The following OR2L13 variants were observed in gnomAD, a reference collection of about 807,000 sequenced individuals.
OR2L13 encodes the protein olfactory receptor family 2 subfamily L member 13.
OR2L13 carries 14 observed loss-of-function variants against 15.3 expected under a neutral mutation model. That is an observed-to-expected ratio of 0.91 (90% CI 0.60 to 1.43). The LOEUF (loss-of-function observed/expected upper bound fraction) is 1.43. OR2L13 is among the 40% of genes most tolerant of loss of function. The pLI, the probability that OR2L13 is intolerant of heterozygous loss-of-function variation, is 0.00. For synonymous variants in OR2L13, 152 were observed against 142.9 expected, an observed-to-expected ratio of 1.06 and a Z score of -0.45; for missense variants, 367 against 387.9, an observed-to-expected ratio of 0.95 and a Z score of 0.45.
At chr1:248,055,103 TG>T in the OR2L13 span, among the ~76,000 whole-genome samples, 3 of 152,284 alleles carry the variant, frequency 2.0e-5, no homozygotes, top group Admixed American at 2.0e-4. Context: ...ATTATTTTGA[TG>T]TATGTTCCTT....
At chr1:247,959,945 C>A in the OR2L13 span, among the ~76,000 whole-genome samples, 1 of 151,890 alleles carries the variant, frequency 6.6e-6, no homozygotes, top group Non-Finnish European at 1.5e-5. Flanking sequence ...CTCAACTCGT[C>A]AGTCATTCTC....
chr1:248,050,346 G>T, the OR2L13 span, among the ~76,000 whole-genome samples: 1 of 151,714 alleles, frequency 6.6e-6, no homozygotes, highest in African/African-American at 2.4e-5. Flanking sequence ...TAATACAAAA[G>T]TAAAAGGGCC....
the OR2L13 span, among the ~76,000 whole-genome samples, chr1:247,941,529 T>C: frequency 6.6e-6 from 1 of 151,988 alleles, no homozygotes; most frequent in African/African-American, 2.4e-5. Flanking sequence ...CTTGGAGAAA[T>C]AGACATGGAA....
the OR2L13 span, among the ~76,000 whole-genome samples, chr1:248,026,576 T>G: frequency 2.6e-5 from 4 of 152,180 alleles, no homozygotes; most frequent in Non-Finnish European, 5.9e-5. Context: ...TGATCTCACT[T>G]ATATATTGGT....
At chr1:247,997,615 A>C in the OR2L13 span, among the ~76,000 whole-genome samples, 1 of 152,194 alleles carries the variant, frequency 6.6e-6, no homozygotes, top group African/African-American at 2.4e-5. Context: ...GGATGCCTGA[A>C]TAACAACATT....
At chr1:248,090,322 G>T (rs1008499406), upstream of OR2L13, among the ~76,000 whole-genome samples, 1 of 149,916 alleles carries the variant, frequency 6.7e-6, no homozygotes, top group African/African-American at 2.5e-5. Flanking sequence ...AGTTTTTGGG[G>T]TATATGTGCA....
the OR2L13 span, among the ~76,000 whole-genome samples, chr1:247,962,451 C>A: frequency 0.83 from 126,981 of 152,094 alleles, 56,723 homozygotes; most frequent in Non-Finnish European, 0.98. Context: ...CTGATTTAAA[C>A]TGCAAGTAGA....
chr1:247,978,647 A>G, the OR2L13 span, among the ~76,000 whole-genome samples: 1 of 152,238 alleles, frequency 6.6e-6, no homozygotes, highest in South Asian at 2.1e-4. Context: ...TTCCTTCAGT[A>G]TAAACCAAGT....
the OR2L13 span, among the ~76,000 whole-genome samples, chr1:248,047,126 G>C: frequency 6.6e-6 from 1 of 152,144 alleles, no homozygotes; most frequent in Non-Finnish European, 1.5e-5. Flanking sequence ...CAATTGAAGA[G>C]ACAGGGATAC....
chr1:248,064,383 A>G, the OR2L13 span, among the ~76,000 whole-genome samples: 1 of 152,186 alleles, frequency 6.6e-6, no homozygotes, highest in African/African-American at 2.4e-5. Context: ...AAGCCTTCTC[A>G]GGACACTGAA....
the OR2L13 span, among the ~76,000 whole-genome samples, chr1:248,024,588 G>T: frequency 0.037 from 5,573 of 152,096 alleles, 351 homozygotes; most frequent in African/African-American, 0.13. Flanking sequence ...TTTGTATAAG[G>T]TGTAAGGAAG....
chr1:248,054,608 T>A, the OR2L13 span, among the ~76,000 whole-genome samples: 3 of 152,310 alleles, frequency 2.0e-5, no homozygotes, highest in South Asian at 6.2e-4. Context: ...GTGTCCTTTG[T>A]GATTTCCTTG....
chr1:248,038,688 GTGA>G, the OR2L13 span: 1 of 1,614,154 alleles, frequency 6.2e-7, no homozygotes, highest in East Asian at 2.2e-5. Flanking sequence ...AAGAGTGTGT[GTGA>G]TGATGATAAC....
the OR2L13 span, among the ~76,000 whole-genome samples, chr1:247,942,967 C>T: frequency 6.6e-6 from 1 of 152,082 alleles, no homozygotes; most frequent in Non-Finnish European, 1.5e-5. Flanking sequence ...TAGGCGAATT[C>T]ATACAATATT....
At chr1:247,990,896 T>C in the OR2L13 span, 1 of 1,481,862 alleles carries the variant, frequency 6.7e-7, no homozygotes, top group South Asian at 1.1e-5. Flanking sequence ...GTGTTTCCCT[T>C]CATTTGTATT....
chr1:248,069,481 A>C, the OR2L13 span, among the ~76,000 whole-genome samples: 1 of 152,206 alleles, frequency 6.6e-6, no homozygotes, highest in Admixed American at 6.5e-5. Context: ...GTAGCACTAA[A>C]CATGGAAAGG....
chr1:247,954,165 T>A, the OR2L13 span, among the ~76,000 whole-genome samples: 4 of 152,170 alleles, frequency 2.6e-5, no homozygotes, highest in African/African-American at 9.7e-5. Flanking sequence ...GTGGAGGTGA[T>A]CCCTCATGTT....
chr1:248,000,277 G>A, the OR2L13 span, among the ~76,000 whole-genome samples: 5 of 151,990 alleles, frequency 3.3e-5, no homozygotes, highest in Non-Finnish European at 5.9e-5. Flanking sequence ...TGCCCCAGTA[G>A]AAAACTGCAG....
the OR2L13 span, chr1:248,083,487 A>G: frequency 1.5e-6 from 1 of 683,202 alleles, no homozygotes; most frequent in Non-Finnish European, 2.5e-6. Context: ...GTATCTCTCA[A>G]TACAATTAGC....
Sources: allele counts gnomAD v4.1 joint callset (sites outside exome capture counted in the v4.1 genomes callset), GRCh38; gene constraint gnomAD v4.1.1; transcripts MANE v1.5; gene names NCBI Gene and HGNC (gene_info 2026-07-23, HGNC 2026-07-21).